Variants in NAV2 observed in about 807,000 individuals in gnomAD.
NAV2 encodes the protein helicase, APC down-regulated 1.
A neutral mutation model predicts 223.2 loss-of-function variants in NAV2; 54 were observed. The ratio of observed to expected loss-of-function variants is 0.24; its 90% CI spans 0.19 to 0.30. The LOEUF (loss-of-function observed/expected upper bound fraction) is 0.30. NAV2 is among the 10% of genes least tolerant of loss of function. The pLI, the probability that NAV2 is intolerant of heterozygous loss-of-function variation, is 1.00. For synonymous variants in NAV2, 1,279 were observed against 1,239.3 expected (o/e 1.03, Z -0.67); for missense variants, 2,806 against 3,147.5 (o/e 0.89, Z 2.60).
Position 20,044,003 on chromosome 11 carries a change from A to G in NAV2, c.2930A>G (p.Gln977Arg), listed in dbSNP as rs760646203. Residue 977 changes from glutamine (Q) to arginine (R), a missense_variant, in exon 13 of 38, where the codon CAG becomes CGG. Gln to Arg is a conservative substitution (Grantham distance 43, BLOSUM62 1). Transcript: ENST00000349880. ...CAGACTGATGCTGAGAAGCACTCACAGGTGGAGAGGAATTCCCTGTGGTCT... is the reference window on the plus strand; with the variant it reads ...CAGACTGATGCTGAGAAGCACTCACGGGTGGAGAGGAATTCCCTGTGGTCT... ...DVQTDAEKHS[Q>R]VERNSLWSGD... The G allele has an allele frequency of 1.2e-6, 2 of 1,614,084 alleles. No individual in the cohort carries two copies. The highest frequency in any genetic ancestry group is 1.7e-6 in the Non-Finnish European group (2 of 1,179,928).
At chr11:20,110,657 G>A (rs984902084) in intron 36 of NAV2, among the ~76,000 whole-genome samples, 2 of 152,156 alleles carry the variant, frequency 1.3e-5, no homozygotes, top group Admixed American at 6.5e-5. Flanking sequence ...AGCCACAGGT[G>A]GCTTGGGGAA....
intron 36 of NAV2, among the ~76,000 whole-genome samples, chr11:20,113,196 C>T (rs2062783260): frequency 6.6e-6 from 1 of 152,192 alleles, no homozygotes; most frequent in African/African-American, 2.4e-5. Context: ...GGGCCTATTT[C>T]CTCATCTGTA....
At chr11:19,657,452 CT>C (rs1410027499) in intron 1 of NAV2, among the ~76,000 whole-genome samples, 12 of 152,320 alleles carry the variant, frequency 7.9e-5, no homozygotes, top group African/African-American at 2.4e-4. Flanking sequence ...CACCCATATT[CT>C]TTGGATTATG....
At chr11:20,100,378 C>A (rs1354793199) in intron 31 of NAV2, among the ~76,000 whole-genome samples, 2 of 152,156 alleles carry the variant, frequency 1.3e-5, no homozygotes, top group East Asian at 3.9e-4. Flanking sequence ...TTGCATTTTT[C>A]CTCCTTTTAA....
chr11:19,496,944 G>A lies in NAV2; in HGVS notation c.75+145917G>A, dbSNP rs555001827. Among the ~76,000 whole-genome samples, 13 of 152,280 alleles carry A rather than the reference G, an allele frequency of 8.5e-5. No homozygotes were observed. The South Asian group carries it at 2.7e-3, about 32-fold the overall frequency. On this transcript the variant is annotated intron_variant, in intron 1 of 37. Coordinates refer to the NAV2 transcript ENST00000360655. The stretch of plus-strand genomic sequence containing the variant: ...GGCATTGAGTTCATCGAGACCTGGG[G>A]TTACCCTGGACTTTTACCATTTGTG...
At chr11:19,978,379 A>C (rs972225341) in intron 10 of NAV2, among the ~76,000 whole-genome samples, 1 of 152,212 alleles carries the variant, frequency 6.6e-6, no homozygotes, top group Non-Finnish European at 1.5e-5. Context: ...TGTTGATGAC[A>C]TTGCTCAACA....
intron 1 of NAV2, among the ~76,000 whole-genome samples, chr11:19,500,503 T>C (rs1015835744): frequency 2.6e-5 from 4 of 152,218 alleles, no homozygotes; most frequent in African/African-American, 7.2e-5. Context: ...CCTGAAGAAA[T>C]GATTAAGCAC....
chr11:19,924,306 A>C (rs10444227), intron 6 of NAV2, among the ~76,000 whole-genome samples: 54,709 of 151,362 alleles, frequency 0.36, 12,158 homozygotes, highest in Non-Finnish European at 0.5. Flanking sequence ...AAAAAAAAAA[A>C]AAAAACAAAA....
intron 1 of NAV2, among the ~76,000 whole-genome samples, chr11:19,437,344 T>C (rs1851249660): frequency 6.6e-6 from 1 of 152,166 alleles, no homozygotes; most frequent in Admixed American, 6.5e-5. Context: ...ACTGAGGATT[T>C]CACAGTGTCT....
chr11:19,915,403 T>G (rs1269282160), intron 6 of NAV2, among the ~76,000 whole-genome samples: 1 of 152,206 alleles, frequency 6.6e-6, no homozygotes, highest in Non-Finnish European at 1.5e-5. Flanking sequence ...ATTTGAAGAC[T>G]CTTCACCATG....
At chr11:19,792,699 T>G (rs2057607473) in intron 1 of NAV2, among the ~76,000 whole-genome samples, 1 of 152,172 alleles carries the variant, frequency 6.6e-6, no homozygotes, top group African/African-American at 2.4e-5. Context: ...ACTTCCGGCT[T>G]CATTAATAGG....
intron 1 of NAV2, among the ~76,000 whole-genome samples, chr11:19,515,808 G>A (rs1465894505): frequency 6.6e-6 from 1 of 152,236 alleles, no homozygotes; most frequent in Non-Finnish European, 1.5e-5. Flanking sequence ...GGAAGTGCTA[G>A]GACTGTGGTT....
rs751502700 is a variant in NAV2, at chr11:20,103,681, G to A, written c.6601G>A (p.Ala2201Thr). 2.5e-6 allele frequency: 4 copies of A among 1,614,126 alleles called. No individual in the cohort carries two copies. In the South Asian group the frequency reaches 4.4e-5, roughly 18 times the overall value. ...CPYIIGTMNQ[A>T]TSSTPNLQLH... ...TTACATAATTGGCACAATGAACCAGGCTACCTCTTCGACTCCCAACCTGCA... is the reference window on the plus strand; with the variant it reads ...TTACATAATTGGCACAATGAACCAGACTACCTCTTCGACTCCCAACCTGCA... The change falls in exon 34 of 38, where the codon GCT becomes ACT. Residue 2201 changes from alanine (A) to threonine (T), a missense_variant. Physicochemically the swap from Ala to Thr is moderately conservative, Grantham distance 58. This residue lies in a region of NAV2 where 824 missense variants were observed against 1,069.4 expected (regional missense o/e 0.77). Coordinates refer to ENST00000349880, the MANE Select transcript of NAV2 (RefSeq NM_145117.5).
chr11:19,842,320 G>A (rs768951148), intron 2 of NAV2, among the ~76,000 whole-genome samples: 1 of 152,134 alleles, frequency 6.6e-6, no homozygotes, highest in South Asian at 2.1e-4. Flanking sequence ...ACTGTGTGGC[G>A]TTGGTCAAGT....
chr11:19,501,355 A>C (rs2042958171), intron 1 of NAV2, among the ~76,000 whole-genome samples: 1 of 152,054 alleles, frequency 6.6e-6, no homozygotes, highest in South Asian at 2.1e-4. Context: ...CTCTATATAC[A>C]TGGAGTCATC....
At chr11:19,529,849 A>C (rs1019971963) in intron 1 of NAV2, among the ~76,000 whole-genome samples, 1 of 152,270 alleles carries the variant, frequency 6.6e-6, no homozygotes, top group Admixed American at 6.5e-5. Context: ...GTTGGGTTCC[A>C]GTCAGAAAGA....
intron 1 of NAV2, among the ~76,000 whole-genome samples, chr11:19,383,764 C>G (rs1237207022): frequency 6.6e-6 from 1 of 152,200 alleles, no homozygotes; most frequent in Non-Finnish European, 1.5e-5. Flanking sequence ...TAGGACAGTG[C>G]CTGCTGTATA....
intron 1 of NAV2, among the ~76,000 whole-genome samples, chr11:19,716,480 A>G (rs1306849711): frequency 6.6e-6 from 1 of 152,240 alleles, no homozygotes; most frequent in Admixed American, 6.5e-5. Context: ...AGCTATTTAT[A>G]TTGCTAACCT....
At chr11:19,772,979 G>A (rs1299426953) in intron 1 of NAV2, among the ~76,000 whole-genome samples, 1 of 152,140 alleles carries the variant, frequency 6.6e-6, no homozygotes, top group Admixed American at 6.5e-5. Context: ...GAGTGAGAAG[G>A]AACTTTATAG....
Sources: gnomAD v4.1 joint callset for allele counts (sites outside exome capture counted in the v4.1 genomes callset) on GRCh38, gnomAD v4.1.1 for gene constraint, gnomAD v4.1.1 regional missense constraint, MANE v1.5 for transcripts, NCBI Gene and HGNC (gene_info 2026-07-23, HGNC 2026-07-21) for gene names.